Variants in TICAM2 observed in about 807,000 individuals in gnomAD.
The protein encoded by TICAM2 is TIR domain-containing adapter molecule 2.
TICAM2 carries 8 observed loss-of-function variants against 7.3 expected under a neutral mutation model. The ratio of observed to expected loss-of-function variants is 1.10; its 90% CI spans 0.65 to 1.99. TICAM2 has a LOEUF of 1.99. Among genes scored for constraint, TICAM2 ranks in the 30% most tolerant of loss-of-function variants. The pLI is 0.00. For missense variants in TICAM2, 304 were observed against 278.8 expected, an observed-to-expected ratio of 1.09 and a Z score of -0.65; for synonymous variants, 113 against 99.6, an observed-to-expected ratio of 1.13 and a Z score of -0.80.
chr5:115,597,936 T>C (rs865825291), intron 1 of TICAM2, among the ~76,000 whole-genome samples: 105 of 152,290 alleles, frequency 6.9e-4, no homozygotes, highest in African/African-American at 2.4e-3. Context: ...AAAGGTAACA[T>C]TGATCCTCTG....
At chr5:115,588,603 A>G (rs1367571710) in intron 1 of TICAM2, among the ~76,000 whole-genome samples, 1 of 152,258 alleles carries the variant, frequency 6.6e-6, no homozygotes, top group Non-Finnish European at 1.5e-5. Context: ...TTGTTCATCG[A>G]AAACTTATTC....
intron 1 of TICAM2, among the ~76,000 whole-genome samples, chr5:115,588,322 A>C (rs1482530100): frequency 1.3e-5 from 2 of 152,224 alleles, no homozygotes; most frequent in Admixed American, 1.3e-4. Flanking sequence ...GGAATAGGCC[A>C]CTTAACTCTT....
intron 1 of TICAM2, among the ~76,000 whole-genome samples, chr5:115,597,601 T>A (rs1324873943): frequency 1.3e-5 from 2 of 152,200 alleles, no homozygotes; most frequent in Non-Finnish European, 2.9e-5. Context: ...TGTAAAATAG[T>A]ATACAGAATA....
At chr5:115,581,356 T>C in intron 1 of TICAM2, 41 bp from the exon 2 acceptor site, 1 of 1,526,850 alleles carries the variant, frequency 6.5e-7, no homozygotes, top group Non-Finnish European at 8.8e-7. Flanking sequence ...ATAAATTTAA[T>C]CAAAACATTA....
chr5:115,592,726 G>T (rs1051160591), intron 1 of TICAM2, among the ~76,000 whole-genome samples: 1 of 152,118 alleles, frequency 6.6e-6, no homozygotes, highest in Non-Finnish European at 1.5e-5. Flanking sequence ...TCTAACTCAT[G>T]ATTATTACTT....
intron 1 of TICAM2, among the ~76,000 whole-genome samples, chr5:115,597,791 G>C (rs1301484924): frequency 1.3e-5 from 2 of 152,118 alleles, no homozygotes; most frequent in African/African-American, 4.8e-5. Flanking sequence ...TATACAAAAA[G>C]TCAGCCCTCC....
At chr5:115,600,750 G>A (rs866583422) in intron 1 of TICAM2, among the ~76,000 whole-genome samples, 94 of 152,114 alleles carry the variant, frequency 6.2e-4, no homozygotes, top group African/African-American at 1.9e-3. Flanking sequence ...TCAGATGAGA[G>A]GGGGTAGGAA....
Position 115,580,560 on chromosome 5 carries a change from A to G in TICAM2, c.697T>C (p.Phe233Leu), listed in dbSNP as rs781443294. 5 of 1,590,716 alleles carry G rather than the reference A, an allele frequency of 3.1e-6. No individual in the cohort carries two copies. The highest frequency in any genetic ancestry group is 4.3e-6 in the Non-Finnish European group (5 of 1,172,308). ...TTATATGTTTCATCTCAGGCAATAAATTGTCTTTGTACCATATTTCTTGTC... is the reference window on the plus strand; with the variant it reads ...TTATATGTTTCATCTCAGGCAATAAGTTGTCTTTGTACCATATTTCTTGTC... ...KETRNMVQRQ[F>L]IA Residue 233 changes from phenylalanine to leucine, a missense_variant, in exon 2 of 2, where the codon TTT becomes CTT. Physicochemically the swap from Phe to Leu is conservative, Grantham distance 22. Coordinates refer to ENST00000427199, the MANE Select transcript of TICAM2 (RefSeq NM_021649.7).
Position 115,599,819 on chromosome 5 carries a change from G to A in TICAM2, c.-60+2278C>T, listed in dbSNP as rs73254591. Among the ~76,000 whole-genome samples, 1,338 of 151,644 alleles carry A rather than the reference G, an allele frequency of 8.8e-3. 15 individuals are homozygous for A. The highest frequency in any genetic ancestry group is 0.031 in the African/African-American group (1,274 of 41,220). On this transcript the variant is annotated intron_variant, in intron 1 of 1. Transcript: ENST00000427199. ...CTAGTCAGGGACTAGATCACACAGG[G>A]CTTTAAAGCCATTGTAAGCCTGTTT...
chr5:115,586,938 C>A (rs1036627758), intron 1 of TICAM2, among the ~76,000 whole-genome samples: 1 of 152,090 alleles, frequency 6.6e-6, no homozygotes, highest in Non-Finnish European at 1.5e-5. Context: ...TCAGGAGGGC[C>A]ATCTGCAGCA....
rs1754839602 is a variant in TICAM2 at position 115,579,508 on chromosome 5, C to T, written c.*1041G>A. 6.6e-6 allele frequency: 1 copy of T among 152,230 alleles called. No homozygotes were observed. The highest frequency in any genetic ancestry group is 2.4e-5 in the African/African-American group (1 of 41,450). The allele number at this position is 152,230 out of a possible 1,614,324, so 9.4% of individuals were successfully genotyped here. On this transcript the variant is annotated 3_prime_UTR_variant, in exon 2 of 2. Coordinates refer to ENST00000427199, the MANE Select transcript of TICAM2 (RefSeq NM_021649.7). ...CTCAAGTGGACGATGCTCCCTCAAT[C>T]TCAGATGGGCAGAAGGGCTGTGGAG...
chr5:115,596,920 AAAAC>A (rs369284839), intron 1 of TICAM2, among the ~76,000 whole-genome samples: 51 of 152,264 alleles, frequency 3.3e-4, no homozygotes, highest in East Asian at 2.5e-3. Context: ...CTCCGTCTCA[AAAAC>A]AAACAAACAA....
At chr5:115,584,608 T>C (rs754842415) in intron 1 of TICAM2, among the ~76,000 whole-genome samples, 6 of 152,180 alleles carry the variant, frequency 3.9e-5, no homozygotes, top group Non-Finnish European at 8.8e-5. Context: ...GAGCCTTTTT[T>C]AAAAAAACTT....
At position 115,602,094 on chromosome 5, in the gene TICAM2, T is replaced by A. The variant is rs1277416332; in HGVS notation, c.-60+3A>T. On this transcript the variant is annotated splice_donor_region_variant and intron_variant, in intron 1 of 1. Coordinates refer to ENST00000427199, the MANE Select transcript of TICAM2 (RefSeq NM_021649.7). The stretch of plus-strand genomic sequence containing the variant: ...GGCCCCCGCCCTAGCGCCCGGTACT[T>A]GCCTGCAGGCGAGCGCCACCACAGT... 6.6e-6 allele frequency: 1 copy of A among 152,118 alleles called. No individual in the cohort carries two copies. Among genetic ancestry groups the A allele is most frequent in the Non-Finnish European group, 1.5e-5 (1 of 68,120 alleles). 9.4% of individuals were successfully genotyped at this position (152,118 alleles called of 1,614,324 possible).
At chr5:115,591,700 C>A (rs1755309401) in intron 1 of TICAM2, among the ~76,000 whole-genome samples, 1 of 151,398 alleles carries the variant, frequency 6.6e-6, no homozygotes, top group Non-Finnish European at 1.5e-5. Flanking sequence ...AACTAGAAAA[C>A]AAGCTAGAAA....
rs1245988697 is a variant in TICAM2, at chr5:115,580,260, G to A, written c.*289C>T. The A allele has an allele frequency of 3.7e-6, 1 of 273,200 alleles. No homozygotes were observed. Among genetic ancestry groups the A allele is most frequent in the Non-Finnish European group, 6.7e-6 (1 of 149,204 alleles). 16.9% of individuals were successfully genotyped at this position (273,200 alleles called of 1,614,324 possible). On this transcript the variant is annotated 3_prime_UTR_variant, in exon 2 of 2. Transcript: ENST00000427199. ...TCTGTCATACAAGTTTTTGTTCAAG[G>A]TTCAATACAAGGAATATGGATTGAG...
Position 115,588,310 on chromosome 5 carries a change from G to A in TICAM2, c.-59-6995C>T, listed in dbSNP as rs190413004. 4.7e-4 allele frequency among the ~76,000 whole-genome samples: 71 copies of A among 152,304 alleles called. 1 individual carries two copies. Among genetic ancestry groups the A allele is most frequent in the Admixed American group, 4.2e-3 (65 of 15,296 alleles). On this transcript the variant is annotated intron_variant, in intron 1 of 1. Coordinates refer to ENST00000427199, the MANE Select transcript of TICAM2 (RefSeq NM_021649.7). Reference sequence around the variant, plus strand: ...TCTCCACCACCACTCCTTTTCTGAAGAGGAATAGGCCACTTAACTCTTGAG... The same window carrying A: ...TCTCCACCACCACTCCTTTTCTGAAAAGGAATAGGCCACTTAACTCTTGAG...
chr5:115,594,785 G>C (rs373572308), intron 1 of TICAM2, among the ~76,000 whole-genome samples: 1 of 152,160 alleles, frequency 6.6e-6, no homozygotes, highest in African/African-American at 2.4e-5. Context: ...AAATCCTTTG[G>C]CATTAAGAAG....
chr5:115,578,964 A>T lies in TICAM2; in HGVS notation c.*1585T>A, dbSNP rs752319782. 4.6e-5 allele frequency: 7 copies of T among 152,670 alleles called. No individual in the cohort carries two copies. The highest frequency in any genetic ancestry group is 7.2e-5 in the African/African-American group (3 of 41,468). The allele number at this position is 152,670 out of a possible 1,614,324, so 9.5% of individuals were successfully genotyped here. A position where few individuals can be genotyped will look rare whatever the true frequency, so the allele number is the denominator to read the frequency against. On this transcript the variant is annotated 3_prime_UTR_variant, in exon 2 of 2. Coordinates refer to ENST00000427199, the MANE Select transcript of TICAM2 (RefSeq NM_021649.7). ...AGAACGTTTTGGTTCATGGCTATGA[A>T]GAGGTAACTGCAAAAAGATGTGTGC...
Sources: gnomAD v4.1 joint callset for allele counts (sites outside exome capture counted in the v4.1 genomes callset) on GRCh38, gnomAD v4.1.1 for gene constraint, MANE v1.5 for transcripts, NCBI Gene and HGNC (gene_info 2026-07-23, HGNC 2026-07-21) for gene names.